Variants in SASH1 observed in about 807,000 individuals in gnomAD.
The protein encoded by SASH1 is SAM and SH3 domain-containing protein 1.
A neutral mutation model predicts 125.2 loss-of-function variants in SASH1; 44 were observed. The observed-to-expected ratio is 0.35, with a 90% CI of 0.28 to 0.45. The LOEUF is 0.45. Ranked by LOEUF, SASH1 falls within the 20% of genes least tolerant of loss-of-function variation. The probability of loss-of-function intolerance (pLI) is 1.00; values close to 1 mark genes in which losing one functional copy is unlikely to be tolerated. For synonymous variants in SASH1, 639 were observed against 649.1 expected, an observed-to-expected ratio of 0.98 and a Z score of 0.24; for missense variants, 1,426 against 1,614.5, an observed-to-expected ratio of 0.88 and a Z score of 2.00.
chr6:148,217,512 T>C, the SASH1 span, among the ~76,000 whole-genome samples: 1 of 152,090 alleles, frequency 6.6e-6, no homozygotes, highest in Non-Finnish European at 1.5e-5. Context: ...ACAGGAAAAC[T>C]GAGAACATCA....
the SASH1 span, among the ~76,000 whole-genome samples, chr6:148,251,129 CATCCTTT>C: frequency 1.3e-5 from 2 of 152,194 alleles, no homozygotes; most frequent in African/African-American, 4.8e-5. Context: ...TCAAGTAGTT[CATCCTTT>C]TAGGAACTCG....
At chr6:148,503,308 C>G (rs1779637058) in intron 8 of SASH1, among the ~76,000 whole-genome samples, 1 of 121,390 alleles carries the variant, frequency 8.2e-6, no homozygotes, top group African/African-American at 2.9e-5. Context: ...GTCGAGTCAT[C>G]TTTCTAAAAA....
At chr6:148,545,924 G>C in intron 18 of SASH1, 91 bp from the exon 19 acceptor site, 1 of 1,298,890 alleles carries the variant, frequency 7.7e-7, no homozygotes, top group South Asian at 1.4e-5. Flanking sequence ...CTAAGTGACA[G>C]TGAGACCCTA....
At chr6:148,521,609 G>T (rs910435578) in intron 10 of SASH1, among the ~76,000 whole-genome samples, 4 of 152,100 alleles carry the variant, frequency 2.6e-5, no homozygotes, top group African/African-American at 9.7e-5. Flanking sequence ...TATGTAGCAG[G>T]AACTTTTCTT....
the SASH1 span, among the ~76,000 whole-genome samples, chr6:148,266,971 C>A: frequency 6.6e-6 from 1 of 152,086 alleles, no homozygotes. Context: ...AGCCAGGGCA[C>A]ATAGAGAGTG....
At chr6:148,212,137 C>T in the SASH1 span, among the ~76,000 whole-genome samples, 3 of 152,124 alleles carry the variant, frequency 2.0e-5, no homozygotes, top group African/African-American at 2.4e-5. Flanking sequence ...GTGGAGCTGT[C>T]GCCAGAAGGG....
chr6:148,404,475 A>G (rs1784294208), intron 2 of SASH1, among the ~76,000 whole-genome samples: 1 of 152,150 alleles, frequency 6.6e-6, no homozygotes. Flanking sequence ...GATAAACTAC[A>G]TAAAAACCGG....
At chr6:148,524,362 G>GATA (rs1781009557) in intron 10 of SASH1, 1 of 151,798 alleles carries the variant, frequency 6.6e-6, no homozygotes, top group African/African-American at 2.4e-5. Context: ...TTTTAAAAAA[G>GATA]ATAATTAGCT....
intron 1 of SASH1, among the ~76,000 whole-genome samples, chr6:148,360,640 C>CCG (rs1554242940): frequency 7.9e-6 from 1 of 127,256 alleles, no homozygotes; most frequent in Non-Finnish European, 1.8e-5. Context: ...TGAGCCACCC[C>CCG]CCCGCCAGGC....
intron 2 of SASH1, among the ~76,000 whole-genome samples, chr6:148,394,844 A>G (rs1024600394): frequency 1.3e-5 from 2 of 152,008 alleles, no homozygotes; most frequent in African/African-American, 2.4e-5. Context: ...GGGTTTCACC[A>G]TGTTGGTCAG....
At chr6:148,543,622 A>G in intron 17 of SASH1, 58 bp from the exon 18 acceptor site, 2 of 1,413,252 alleles carry the variant, frequency 1.4e-6, no homozygotes, top group African/African-American at 1.4e-5. Context: ...AACTTTATGC[A>G]TCCGTTTGAT....
chr6:148,410,786 C>T (rs1784592191), intron 2 of SASH1, among the ~76,000 whole-genome samples: 1 of 151,850 alleles, frequency 6.6e-6, no homozygotes, highest in South Asian at 2.1e-4. Context: ...TAAGGAGGAC[C>T]TCACTGTGAA....
rs181155854 is a variant in SASH1 at position 148,476,995 on chromosome 6, G to A, written c.627+2773G>A. ...CAATCTCTTCAATAAATGGTGCTGG[G>A]AAAATTGGATATTCATAGGCAGAAG... On this transcript the variant is annotated intron_variant, in intron 7 of 19. Transcript: ENST00000367467. Among the ~76,000 whole-genome samples the A allele has an allele frequency of 1.7e-3, 259 of 152,306 alleles. 2 individuals carry two copies. The highest frequency in any genetic ancestry group is 3.4e-3 in the Middle Eastern group (1 of 294).
At chr6:148,332,770 G>A (rs113356936) in intron 1 of SASH1, among the ~76,000 whole-genome samples, 9,214 of 152,086 alleles carry the variant, frequency 0.061, 335 homozygotes, top group South Asian at 0.093. Flanking sequence ...GCGGATCACC[G>A]AGGTCAGGAG....
At chr6:148,494,602 G>A (rs1264127960) in intron 8 of SASH1, among the ~76,000 whole-genome samples, 3 of 152,046 alleles carry the variant, frequency 2.0e-5, no homozygotes, top group Non-Finnish European at 2.9e-5. Context: ...TCTCCAGCCT[G>A]GCGACAGAAC....
chr6:148,234,137 A>C, the SASH1 span, among the ~76,000 whole-genome samples: 3 of 151,744 alleles, frequency 2.0e-5, no homozygotes, highest in Non-Finnish European at 4.4e-5. Context: ...TCCTGGGCTC[A>C]AGGAATCCTC....
the SASH1 span, among the ~76,000 whole-genome samples, chr6:148,201,757 T>C: frequency 1.3e-5 from 2 of 151,994 alleles, no homozygotes; most frequent in African/African-American, 4.8e-5. Context: ...GGAAGTGACA[T>C]TGAGACAAAC....
rs137893181 is a variant in SASH1, at chr6:148,518,468, T to G, written c.863-1079T>G. ...TAGAATTTTAAAGGATGGCTGCCGTTCTTTTCCCCTCTGAGTTTTGCTCTG... is the reference window on the plus strand; with the variant it reads ...TAGAATTTTAAAGGATGGCTGCCGTGCTTTTCCCCTCTGAGTTTTGCTCTG... On this transcript the variant is annotated intron_variant, in intron 9 of 19. Coordinates refer to ENST00000367467, the MANE Select transcript of SASH1 (RefSeq NM_015278.5). Among the ~76,000 whole-genome samples, 71 of 152,318 alleles carry G rather than the reference T, an allele frequency of 4.7e-4. 1 individual carries two copies. In the East Asian group the frequency reaches 0.013, roughly 28 times the overall value.
At chr6:148,376,937 G>A (rs956702284) in intron 1 of SASH1, among the ~76,000 whole-genome samples, 10 of 151,720 alleles carry the variant, frequency 6.6e-5, no homozygotes, top group African/African-American at 1.9e-4. Context: ...TTGGGAGGCC[G>A]AGGCGGGCGG....
Sources: allele counts gnomAD v4.1 joint callset (sites outside exome capture counted in the v4.1 genomes callset), GRCh38; gene constraint gnomAD v4.1.1; transcripts MANE v1.5; gene names NCBI Gene and HGNC (gene_info 2026-07-23, HGNC 2026-07-21).